The following TMA16 variants were observed in gnomAD, a reference collection of about 807,000 sequenced individuals.
TMA16 encodes the protein translation machinery-associated protein 16.
TMA16 carries 26 observed loss-of-function variants against 27.1 expected under a neutral mutation model. The ratio of observed to expected loss-of-function variants is 0.96; its 90% CI spans 0.70 to 1.33. The LOEUF (loss-of-function observed/expected upper bound fraction) is 1.33, where lower values mean the gene tolerates loss of function less well. Ranked by LOEUF, TMA16 falls within the 40% of genes most tolerant of loss-of-function variation. TMA16 has a pLI of 0.00. For missense variants in TMA16, 233 were observed against 241.4 expected, an observed-to-expected ratio of 0.97 and a Z score of 0.23; for synonymous variants, 71 against 81.9, an observed-to-expected ratio of 0.87 and a Z score of 0.72.
chr4:163,496,581 G>T (rs930742262), intron 1 of TMA16, among the ~76,000 whole-genome samples: 1 of 151,952 alleles, frequency 6.6e-6, no homozygotes, highest in Admixed American at 6.6e-5. Flanking sequence ...GCATTAAAAA[G>T]GTTTTTAGTG....
intron 2 of TMA16, among the ~76,000 whole-genome samples, chr4:163,511,552 T>G (rs572856400): frequency 2.6e-5 from 4 of 152,062 alleles, no homozygotes. Context: ...GGCTCATCCT[T>G]GTAATCCCAG....
chr4:163,519,737 GT>G lies in TMA16; in HGVS notation c.*225del, dbSNP rs1737941491. 1.9e-6 allele frequency: 1 copy of G among 531,624 alleles called. No individual in the cohort carries two copies. Among genetic ancestry groups the G allele is most frequent in the African/African-American group, 2.0e-5 (1 of 49,838 alleles). The allele number at this position is 531,624 out of a possible 1,614,324, so 32.9% of individuals were successfully genotyped here. ...AAATAGATAGATGTGATCTGCAGAA[GT>G]TGTTTAGTCTTCATCTGAATTTCAG... On this transcript the variant is annotated 3_prime_UTR_variant, in exon 7 of 7. Coordinates refer to ENST00000358572, the MANE Select transcript of TMA16 (RefSeq NM_018352.3).
rs1737954156 is a variant in TMA16 at position 163,520,394 on chromosome 4, T to G, written c.*880T>G. 1 of 155,188 alleles carries G rather than the reference T, an allele frequency of 6.4e-6. No individual in the cohort carries two copies. Among genetic ancestry groups the G allele is most frequent in the South Asian group, 2.0e-4 (1 of 5,018 alleles). 9.6% of individuals were successfully genotyped at this position (155,188 alleles called of 1,614,324 possible). ...TTTTTTTAAAAGAGCACAATGTAGG[T>G]GTATTTGAGTATTTTCAAGAAAAGA... is the stretch of plus-strand genomic sequence containing the variant. On this transcript the variant is annotated 3_prime_UTR_variant, in exon 7 of 7. Transcript: ENST00000358572.
chr4:163,507,083 T>G lies in TMA16; in HGVS notation c.54T>G (p.His18Gln). 6 of 1,595,780 alleles carry G rather than the reference T, an allele frequency of 3.8e-6. No individual in the cohort carries two copies. Among genetic ancestry groups the G allele is most frequent in the Non-Finnish European group, 5.1e-6 (6 of 1,170,312 alleles). ...KSAGREKKVI[H>Q]PYSRKAAQIT... ...CAGGACGGGAAAAAAAAGTCATCCA[T>G]CCATATAGTAGAAAAGCAGCTCAAA... Residue 18 changes from histidine to glutamine, a missense_variant, in exon 2 of 7, where the codon CAT becomes CAG. Transcript: ENST00000358572.
At chr4:163,500,206 CTTTCTTTTTTT>C (rs893634274) in intron 1 of TMA16, among the ~76,000 whole-genome samples, 8 of 145,068 alleles carry the variant, frequency 5.5e-5, no homozygotes, top group Non-Finnish European at 1.2e-4. Context: ...TCCATTCTTT[CTTTCTTTTTTT>C]TTTTTTTTTT....
chr4:163,512,751 G>C, intron 2 of TMA16, 71 bp from the exon 3 acceptor site: 1 of 1,167,314 alleles, frequency 8.6e-7, no homozygotes, highest in Non-Finnish European at 1.2e-6. Flanking sequence ...TTTTCTTTTC[G>C]TTGTTATTGT....
chr4:163,508,477 A>G (rs545422285), intron 2 of TMA16, among the ~76,000 whole-genome samples: 2 of 152,176 alleles, frequency 1.3e-5, no homozygotes, highest in Non-Finnish European at 2.9e-5. Flanking sequence ...TTAAAATCAA[A>G]TAGATACTAT....
intron 2 of TMA16, among the ~76,000 whole-genome samples, chr4:163,509,691 A>G (rs1351192077): frequency 1.3e-5 from 2 of 152,196 alleles, no homozygotes; most frequent in African/African-American, 4.8e-5. Context: ...TTTATCTTCA[A>G]CATTTGAAAA....
At chr4:163,504,345 T>C (rs1295752841) in intron 1 of TMA16, among the ~76,000 whole-genome samples, 1 of 152,192 alleles carries the variant, frequency 6.6e-6, no homozygotes, top group Admixed American at 6.5e-5. Flanking sequence ...TTTGATGGCT[T>C]AAACCAATAT....
chr4:163,511,011 A>T (rs1737784604), intron 2 of TMA16, among the ~76,000 whole-genome samples: 1 of 152,232 alleles, frequency 6.6e-6, no homozygotes, highest in Non-Finnish European at 1.5e-5. Flanking sequence ...GTTTGAGTTT[A>T]TAAGAAATTC....
intron 4 of TMA16, among the ~76,000 whole-genome samples, chr4:163,514,816 T>C (rs1374787684): frequency 6.6e-6 from 1 of 152,178 alleles, no homozygotes; most frequent in African/African-American, 2.4e-5. Context: ...GCTTGGCTCA[T>C]AGCCTGATAA....
chr4:163,502,104 A>G (rs927797592), intron 1 of TMA16, among the ~76,000 whole-genome samples: 1 of 152,178 alleles, frequency 6.6e-6, no homozygotes, highest in Non-Finnish European at 1.5e-5. Context: ...AAAGAGTGGC[A>G]GTAGAGAATC....
chr4:163,500,261 A>G (rs1220192930), intron 1 of TMA16, among the ~76,000 whole-genome samples: 1 of 135,166 alleles, frequency 7.4e-6, no homozygotes, highest in Admixed American at 8.3e-5. Flanking sequence ...CCCAGGCTGG[A>G]GTATGGTGGT....
In TMA16 at chr4:163,519,477, C is replaced by A; in HGVS notation, c.575C>A (p.Ser192Ter). ...DLGELELNDE[S>*]SDSDEEMTAV... is the part of the protein sequence containing the mutation. ...GGGGAATTGGAACTAAACGATGAATCAAGTGATTCAGATGAGGAAATGACT... is the reference window on the plus strand; with the variant it reads ...GGGGAATTGGAACTAAACGATGAATAAAGTGATTCAGATGAGGAAATGACT... Residue 192 changes from serine (S) to a stop codon, truncating the protein, a stop_gained, in exon 7 of 7, where the codon TCA (serine) becomes TAA (stop). Transcript: ENST00000358572. LOFTEE classifies it high-confidence loss of function. 6.2e-7 allele frequency: 1 copy of A among 1,602,118 alleles called. No homozygotes were observed. Among genetic ancestry groups the A allele is most frequent in the South Asian group, 1.1e-5 (1 of 88,234 alleles).
At chr4:163,505,079 G>A (rs551324138) in intron 1 of TMA16, among the ~76,000 whole-genome samples, 79 of 152,280 alleles carry the variant, frequency 5.2e-4, no homozygotes, top group African/African-American at 1.8e-3. Flanking sequence ...TTAAAAGTGA[G>A]TCGGTAGGTC....
intron 2 of TMA16, among the ~76,000 whole-genome samples, chr4:163,511,331 T>A (rs1303469366): frequency 6.6e-6 from 1 of 152,078 alleles, no homozygotes; most frequent in Non-Finnish European, 1.5e-5. Context: ...ATGTTGAGCA[T>A]CTTTTTAGGT....
intron 1 of TMA16, among the ~76,000 whole-genome samples, chr4:163,502,907 A>G (rs1407223115): frequency 6.6e-6 from 1 of 152,208 alleles, no homozygotes; most frequent in East Asian, 1.9e-4. Flanking sequence ...CATTCACGGC[A>G]TAATGACATT....
intron 1 of TMA16, among the ~76,000 whole-genome samples, chr4:163,504,808 C>T (rs917157393): frequency 6.6e-6 from 1 of 152,118 alleles, no homozygotes; most frequent in Non-Finnish European, 1.5e-5. Context: ...TGAGGATCTG[C>T]CTCTAAGCTT....
intron 3 of TMA16, among the ~76,000 whole-genome samples, chr4:163,513,259 G>GT (rs1252634416): frequency 2.0e-5 from 3 of 151,992 alleles, no homozygotes; most frequent in Non-Finnish European, 4.4e-5. Flanking sequence ...TCATGTCACT[G>GT]TTTTTTTGGT....
Sources: allele counts gnomAD v4.1 joint callset (sites outside exome capture counted in the v4.1 genomes callset), GRCh38; gene constraint gnomAD v4.1.1; transcripts MANE v1.5; gene names NCBI Gene and HGNC (gene_info 2026-07-23, HGNC 2026-07-21).